Variants in SLC4A4 observed in about 807,000 individuals in gnomAD.
SLC4A4 encodes solute carrier family 4 member 4.
A neutral mutation model predicts 111.5 loss-of-function variants in SLC4A4; 27 were observed. The ratio of observed to expected loss-of-function variants is 0.24; its 90% CI spans 0.18 to 0.33. SLC4A4 has a LOEUF of 0.33. Among genes scored for constraint, SLC4A4 ranks in the 10% least tolerant of loss-of-function variants. The probability of loss-of-function intolerance (pLI) is 1.00; values close to 1 mark genes in which losing one functional copy is unlikely to be tolerated. For missense variants in SLC4A4, 909 were observed against 1,315.5 expected, an observed-to-expected ratio of 0.69 and a Z score of 4.78; for synonymous variants, 443 against 463.4, an observed-to-expected ratio of 0.96 and a Z score of 0.57.
At chr4:71,466,974 A>AGAGAGC (rs1553917375) in intron 13 of SLC4A4, among the ~76,000 whole-genome samples, 1 of 103,944 alleles carries the variant, frequency 9.6e-6, no homozygotes, top group Non-Finnish European at 1.7e-5. Context: ...AGGGAGAGAG[A>AGAGAGC]GAGAGGTCTG....
chr4:71,557,738 G>C lies in SLC4A4; in HGVS notation c.2790G>C (p.Leu930=), dbSNP rs368069200. Residue 930 remains leucine, a synonymous_variant, in exon 22 of 26, where the codon CTG becomes CTC. Coordinates refer to ENST00000264485, the MANE Select transcript of SLC4A4 (RefSeq NM_001098484.3). ...VQFMDRLKLL[L]MPLKHQPDFI... ...TCATGGATCGTCTGAAGCTGCTTCT[G>C]ATGCCTCTGAAGCATCAGCCTGACT... The C allele has an allele frequency of 1.2e-6, 2 of 1,612,636 alleles. No individual in the cohort carries two copies. The highest frequency in any genetic ancestry group is 2.7e-5 in the African/African-American group (2 of 74,806).
chr4:71,383,580 T>C (rs952461296), intron 6 of SLC4A4, among the ~76,000 whole-genome samples: 1 of 152,166 alleles, frequency 6.6e-6, no homozygotes, highest in Admixed American at 6.5e-5. Flanking sequence ...CCATGGCAAA[T>C]GTAGTTTACT....
chr4:71,263,209 T>C (rs985652234), intron 3 of SLC4A4, among the ~76,000 whole-genome samples: 2 of 152,186 alleles, frequency 1.3e-5, no homozygotes, highest in African/African-American at 4.8e-5. Context: ...ATATTTTATG[T>C]AGTTTAATGA....
At chr4:71,566,711 G>A (rs542061653) in intron 24 of SLC4A4, among the ~76,000 whole-genome samples, 2 of 151,670 alleles carry the variant, frequency 1.3e-5, no homozygotes, top group Non-Finnish European at 1.5e-5. Flanking sequence ...AAATCCAAAA[G>A]CAAGCCTTAG....
intron 7 of SLC4A4, among the ~76,000 whole-genome samples, chr4:71,438,404 T>C (rs1014868446): frequency 1.3e-5 from 2 of 152,208 alleles, no homozygotes; most frequent in African/African-American, 4.8e-5. Context: ...ATAATAAGAC[T>C]TGTCCTAACT....
intron 7 of SLC4A4, among the ~76,000 whole-genome samples, chr4:71,424,259 A>G (rs1413578135): frequency 1.3e-5 from 2 of 152,276 alleles, no homozygotes; most frequent in South Asian, 4.2e-4. Flanking sequence ...ATCACTGGCC[A>G]TCAGAGAAAT....
chr4:71,465,774 G>A (rs1727253451), intron 12 of SLC4A4, among the ~76,000 whole-genome samples: 1 of 151,840 alleles, frequency 6.6e-6, no homozygotes, highest in Non-Finnish European at 1.5e-5. Flanking sequence ...AGGAAATGTG[G>A]CCATAAAAGA....
At chr4:71,105,953 A>G in intron 2 of SLC4A4, among the ~76,000 whole-genome samples, 1 of 144,928 alleles carries the variant, frequency 6.9e-6, no homozygotes, top group African/African-American at 2.6e-5. Context: ...GCTTCTGCAC[A>G]GCAAAAGAAA....
intron 7 of SLC4A4, among the ~76,000 whole-genome samples, chr4:71,439,435 CAAAAAAAAAAAAAAAAAAAAA>C (rs56283596): frequency 8.8e-5 from 3 of 34,182 alleles, no homozygotes; most frequent in East Asian, 1.0e-3. Flanking sequence ...GACTCTGTCT[CAAAAAAAAAAAAAAAAAAAAA>C]AAAAAAAAAA....
chr4:71,474,116 TCAAA>T (rs1728130549), intron 14 of SLC4A4, among the ~76,000 whole-genome samples: 1 of 42,404 alleles, frequency 2.4e-5, no homozygotes, highest in Admixed American at 2.8e-4. Flanking sequence ...CAAGACCCTG[TCAAA>T]AAAAAAAAAA....
intron 3 of SLC4A4, among the ~76,000 whole-genome samples, chr4:71,338,179 A>C (rs1440043379): frequency 2.0e-5 from 3 of 152,048 alleles, no homozygotes; most frequent in Non-Finnish European, 2.9e-5. Flanking sequence ...TTTAATGATT[A>C]GTTTCGATTT....
chr4:71,329,263 A>G (rs1389636345), intron 3 of SLC4A4, among the ~76,000 whole-genome samples: 1 of 151,916 alleles, frequency 6.6e-6, no homozygotes. Flanking sequence ...TGATGCCTCT[A>G]GTTTTGTTCT....
At chr4:71,380,700 T>C (rs1165918058) in intron 6 of SLC4A4, among the ~76,000 whole-genome samples, 1 of 152,208 alleles carries the variant, frequency 6.6e-6, no homozygotes, top group East Asian at 1.9e-4. Context: ...ATCTAGCCTA[T>C]CTGACACGGA....
At chr4:71,140,676 C>T (rs1371981388) in intron 2 of SLC4A4, among the ~76,000 whole-genome samples, 1 of 152,138 alleles carries the variant, frequency 6.6e-6, no homozygotes, top group Non-Finnish European at 1.5e-5. Flanking sequence ...AGATCTCAAA[C>T]CTAGGACTCA....
At chr4:71,286,907 T>C (rs1323127482) in intron 3 of SLC4A4, among the ~76,000 whole-genome samples, 1 of 152,168 alleles carries the variant, frequency 6.6e-6, no homozygotes, top group Non-Finnish European at 1.5e-5. Context: ...TTATTATTTT[T>C]AGAATTATTA....
intron 20 of SLC4A4, among the ~76,000 whole-genome samples, chr4:71,550,897 T>C (rs570765004): frequency 6.6e-6 from 1 of 151,860 alleles, no homozygotes; most frequent in African/African-American, 2.4e-5. Context: ...TGTAAGGAAT[T>C]ACAGTTTTAA....
intron 6 of SLC4A4, among the ~76,000 whole-genome samples, chr4:71,364,463 A>G (rs749017919): frequency 6.6e-6 from 1 of 152,198 alleles, no homozygotes; most frequent in Non-Finnish European, 1.5e-5. Flanking sequence ...AAAACAATAG[A>G]AATTTATTGC....
chr4:71,301,203 C>A, intron 3 of SLC4A4: 1 of 245,894 alleles, frequency 4.1e-6, no homozygotes, highest in Non-Finnish European at 8.2e-6. Flanking sequence ...CACACCAGAC[C>A]TTGGGTGGCT....
intron 2 of SLC4A4, among the ~76,000 whole-genome samples, chr4:71,156,565 TGCGCGCATGCGCGC>T (rs1310864893): frequency 1.3e-3 from 35 of 27,398 alleles, no homozygotes; most frequent in African/African-American, 1.5e-3. Flanking sequence ...AATAAGTGTG[TGCGCGCATGCGCGC>T]GCGCGCGCGC....
Sources: gnomAD v4.1 joint callset for allele counts (sites outside exome capture counted in the v4.1 genomes callset) on GRCh38, gnomAD v4.1.1 for gene constraint, MANE v1.5 for transcripts, NCBI Gene and HGNC (gene_info 2026-07-23, HGNC 2026-07-21) for gene names.